ROS1: variants seen among roughly 807,000 people sequenced by gnomAD.
ROS1 encodes proto-oncogene tyrosine-protein kinase ROS.
Under a neutral mutation model 273.5 loss-of-function variants are expected in ROS1, and 263 were observed. The ratio of observed to expected loss-of-function variants is 0.96; its 90% CI spans 0.87 to 1.06. The LOEUF (loss-of-function observed/expected upper bound fraction) is 1.06. Ranked by LOEUF, ROS1 falls within the 50% of genes least tolerant of loss-of-function variation. ROS1 has a pLI of 0.00. For missense variants in ROS1, 2,833 were observed against 2,751.1 expected (o/e 1.03, Z -0.67); for synonymous variants, 1,008 against 954.1 (o/e 1.06, Z -1.04).
chr6:117,322,893 T>C lies in ROS1; in HGVS notation c.5623+1439A>G, dbSNP rs145897828. Among the ~76,000 whole-genome samples, 971 of 152,266 alleles carry C rather than the reference T, an allele frequency of 6.4e-3. 7 individuals carry two copies. The highest frequency in any genetic ancestry group is 0.022 in the African/African-American group (931 of 41,560). ...GAAAGTCAGATATCCATAGGATGTC[T>C]TGGAAGCACAATAGGTTGTCTGAAA... On this transcript the variant is annotated intron_variant, in intron 35 of 43. Transcript: ENST00000368507.
At chr6:117,415,725 T>G (rs1240094909) in intron 3 of ROS1, among the ~76,000 whole-genome samples, 1 of 152,206 alleles carries the variant, frequency 6.6e-6, no homozygotes, top group Non-Finnish European at 1.5e-5. Context: ...ACCAGGTGTT[T>G]ACGGCCCTGA....
intron 32 of ROS1, among the ~76,000 whole-genome samples, chr6:117,335,858 G>A (rs1777422471): frequency 6.6e-6 from 1 of 151,906 alleles, no homozygotes; most frequent in South Asian, 2.1e-4. Context: ...TGAGGGGAGG[G>A]AACTTAGAGG....
chr6:117,326,492 G>T (rs2128582655), intron 33 of ROS1, 78 bp from the exon 34 acceptor site: 2 of 880,546 alleles, frequency 2.3e-6, no homozygotes, highest in South Asian at 2.1e-5. Context: ...TCTTCTTAGT[G>T]ACTGAACGCC....
intron 42 of ROS1, among the ~76,000 whole-genome samples, chr6:117,302,438 C>T (rs1475357789): frequency 6.6e-6 from 1 of 152,128 alleles, no homozygotes; most frequent in Non-Finnish European, 1.5e-5. Flanking sequence ...AGTGGCTAAT[C>T]CAGAATTCAA....
intron 26 of ROS1, among the ~76,000 whole-genome samples, chr6:117,354,397 A>T (rs1364823196): frequency 6.6e-6 from 1 of 152,104 alleles, no homozygotes; most frequent in Non-Finnish European, 1.5e-5. Flanking sequence ...AGTTATCTCT[A>T]CATAGTTGAA....
At position 117,389,406 on chromosome 6, in the gene ROS1, A is replaced by G. The variant is rs1262579913; in HGVS notation, c.1730T>C (p.Phe577Ser). 6.2e-7 allele frequency: 1 copy of G among 1,614,074 alleles called. No homozygotes were observed. The highest frequency in any genetic ancestry group is 8.5e-7 in the Non-Finnish European group (1 of 1,180,046). ...PGRPQELSVLFGSHQALVQWK... is the reference protein window; with the variant it reads ...PGRPQELSVLSGSHQALVQWK... ...TTGAACAAGAGCCTGGTGAGAGCCA[A>G]ACAGCACCGAAAGCTCCTGCGGGCG... Residue 577 changes from phenylalanine to serine, a missense_variant, in exon 13 of 44, where the codon TTT becomes TCT. By Grantham distance (155) the Phe-to-Ser change is radical. Transcript: ENST00000368507.
At chr6:117,309,763 G>T (rs1053141724) in intron 41 of ROS1, among the ~76,000 whole-genome samples, 7 of 151,962 alleles carry the variant, frequency 4.6e-5, no homozygotes, top group Admixed American at 3.9e-4. Context: ...GTAGGTATTT[G>T]GGCACACACT....
intron 37 of ROS1, among the ~76,000 whole-genome samples, chr6:117,319,521 C>T (rs191237776): frequency 1.3e-5 from 2 of 152,182 alleles, no homozygotes; most frequent in African/African-American, 4.8e-5. Flanking sequence ...TTACTATCTG[C>T]CCAGTTAAGA....
Position 117,391,079 on chromosome 6 carries a change from C to A in ROS1, c.1290-1233G>T, listed in dbSNP as rs182609607. On this transcript the variant is annotated intron_variant, in intron 12 of 43. Transcript: ENST00000368507. ...AAACTGTCAAATCATTTTCCTTGTC[C>A]TTATTTAGTTCTGCTCTAATTCCCC... 7.9e-5 allele frequency among the ~76,000 whole-genome samples: 12 copies of A among 152,288 alleles called. No homozygotes were observed. The East Asian group carries it at 2.3e-3, about 29-fold the overall frequency.
At chr6:117,355,863 G>A (rs757275953) in intron 26 of ROS1, among the ~76,000 whole-genome samples, 2 of 151,874 alleles carry the variant, frequency 1.3e-5, no homozygotes, top group African/African-American at 4.8e-5. Flanking sequence ...TACCCACCTC[G>A]GCCTTCCAAA....
intron 35 of ROS1, among the ~76,000 whole-genome samples, 166 bp from the exon 36 acceptor site, chr6:117,321,560 T>C (rs577310309): frequency 1.3e-5 from 2 of 152,248 alleles, no homozygotes; most frequent in African/African-American, 4.8e-5. Flanking sequence ...AAAAAACTAA[T>C]TAAATCCAGG....
chr6:117,307,916 T>A (rs1012485122), intron 42 of ROS1, among the ~76,000 whole-genome samples: 4 of 152,126 alleles, frequency 2.6e-5, no homozygotes, highest in Non-Finnish European at 4.4e-5. Context: ...TATTACATGT[T>A]GGCTTGGCAT....
intron 18 of ROS1, among the ~76,000 whole-genome samples, chr6:117,371,599 A>T (rs1367000825): frequency 6.6e-6 from 1 of 152,150 alleles, no homozygotes; most frequent in Non-Finnish European, 1.5e-5. Flanking sequence ...GCAAATAGGG[A>T]GTGCAGATAT....
At position 117,359,932 on chromosome 6, in the gene ROS1, C is replaced by T. The variant is rs375746890; in HGVS notation, c.3510G>A (p.Val1170=). 105 of 1,613,732 alleles carry T rather than the reference C, an allele frequency of 6.5e-5. No homozygotes were observed. The highest frequency in any genetic ancestry group is 7.9e-5 in the Non-Finnish European group (93 of 1,179,886). The change falls in exon 24 of 44, where the codon GTG becomes GTA. Residue 1170 remains valine, a synonymous_variant. Coordinates refer to ENST00000368507, the MANE Select transcript of ROS1 (RefSeq NM_001378902.1). ...VFLDMDQNQV[V]WTFSAERVIS... ...TAACTCTTTCTGCTGAAAACGTCCACACAACTTGATTTTGATCCATATCTA... is the reference window on the plus strand; with the variant it reads ...TAACTCTTTCTGCTGAAAACGTCCATACAACTTGATTTTGATCCATATCTA...
intron 3 of ROS1, 140 bp downstream of exon 3, chr6:117,416,118 T>C (rs571719388): frequency 1.0e-4 from 64 of 632,962 alleles, no homozygotes; most frequent in Non-Finnish European, 1.5e-4. Flanking sequence ...AGGCTATTGG[T>C]TTTTTAGTTT....
intron 5 of ROS1, among the ~76,000 whole-genome samples, chr6:117,407,370 C>G (rs886103444): frequency 6.6e-6 from 1 of 152,166 alleles, no homozygotes; most frequent in East Asian, 1.9e-4. Context: ...CTGTTAGAAA[C>G]TACTAGAGAG....
intron 32 of ROS1, among the ~76,000 whole-genome samples, chr6:117,331,619 G>A (rs768349269): frequency 5.3e-5 from 8 of 152,286 alleles, no homozygotes; most frequent in South Asian, 4.1e-4. Flanking sequence ...ACAAAGGGAC[G>A]CCCATCAGAC....
chr6:117,318,586 G>A (rs1047332001), intron 37 of ROS1, among the ~76,000 whole-genome samples: 3 of 151,934 alleles, frequency 2.0e-5, no homozygotes, highest in African/African-American at 4.8e-5. Context: ...CCTTGCTTTC[G>A]ATTTATTTCT....
In ROS1 at chr6:117,311,054, A is replaced by G. The variant is rs772393224; in HGVS notation, c.6181T>C (p.Cys2061Arg). The part of the protein sequence containing the change: ...VDLCVDISKG[C>R]VYLERMHFIH... ...AAATGCATCCGTTCCAAGTAGACAC[A>G]GCCTTTTGAAATATCTACACACAGG... is the stretch of plus-strand genomic sequence containing the variant. Residue 2061 changes from cysteine to arginine, a missense_variant, in exon 40 of 44, where the codon TGT (cysteine) becomes CGT (arginine). Coordinates refer to ENST00000368507, the MANE Select transcript of ROS1 (RefSeq NM_001378902.1). The G allele has an allele frequency of 3.7e-6, 6 of 1,611,058 alleles. No individual in the cohort carries two copies. In the South Asian group the frequency reaches 5.5e-5, roughly 15 times the overall value.
Sources: gnomAD v4.1 joint callset for allele counts (sites outside exome capture counted in the v4.1 genomes callset) on GRCh38, gnomAD v4.1.1 for gene constraint, MANE v1.5 for transcripts, NCBI Gene and HGNC (gene_info 2026-07-23, HGNC 2026-07-21) for gene names.